The following ZFAND3 variants were observed in gnomAD, a reference collection of about 807,000 sequenced individuals.
ZFAND3 encodes zinc finger AN1-type containing 3.
Under a neutral mutation model 29.6 loss-of-function variants are expected in ZFAND3, and 10 were observed. The ratio of observed to expected loss-of-function variants is 0.34; its 90% CI spans 0.21 to 0.57. The LOEUF is 0.57. Among genes scored for constraint, ZFAND3 ranks in the 20% least tolerant of loss-of-function variants. ZFAND3 has a pLI of 0.86. For missense variants in ZFAND3, 230 were observed against 304.5 expected (o/e 0.76, Z 1.82); for synonymous variants, 128 against 112.6 (o/e 1.14, Z -0.87).
chr6:38,065,256 A>G (rs1764319752), intron 3 of ZFAND3, among the ~76,000 whole-genome samples: 1 of 151,830 alleles, frequency 6.6e-6, no homozygotes, highest in Admixed American at 6.6e-5. Context: ...GTGAGGTTGC[A>G]GTGAGCCGAG....
intron 2 of ZFAND3, among the ~76,000 whole-genome samples, chr6:37,952,272 G>A (rs1160209680): frequency 6.6e-6 from 1 of 152,114 alleles, no homozygotes; most frequent in African/African-American, 2.4e-5. Flanking sequence ...GTTTCAGTAT[G>A]ATTGGTACCA....
At chr6:37,979,091 C>G (rs968075421) in intron 2 of ZFAND3, among the ~76,000 whole-genome samples, 1 of 151,660 alleles carries the variant, frequency 6.6e-6, no homozygotes, top group Non-Finnish European at 1.5e-5. Context: ...CTTCCTTCTA[C>G]TTTGAGTTTA....
intron 5 of ZFAND3, among the ~76,000 whole-genome samples, chr6:38,134,280 A>G (rs1282463787): frequency 6.6e-6 from 1 of 152,172 alleles, no homozygotes; most frequent in Non-Finnish European, 1.5e-5. Flanking sequence ...TATTCCTTGA[A>G]AAGTTACCTC....
At chr6:38,066,906 A>G (rs533140569) in intron 3 of ZFAND3, among the ~76,000 whole-genome samples, 1 of 152,348 alleles carries the variant, frequency 6.6e-6, no homozygotes, top group East Asian at 1.9e-4. Context: ...GTATCTGAAC[A>G]TAAACATATG....
intron 2 of ZFAND3, among the ~76,000 whole-genome samples, chr6:37,964,388 A>AG (rs1762255081): frequency 6.6e-6 from 1 of 152,186 alleles, no homozygotes; most frequent in Admixed American, 6.6e-5. Flanking sequence ...AGAGAGGCAG[A>AG]GGGAGATTAA....
intron 4 of ZFAND3, among the ~76,000 whole-genome samples, chr6:38,097,249 A>ATT (rs1190146160): frequency 0.039 from 4,784 of 123,406 alleles, 106 homozygotes; most frequent in African/African-American, 0.059. Context: ...TTAATTTTTC[A>ATT]TTTTTTTTTT....
At chr6:37,943,899 T>C (rs1380021068) in intron 2 of ZFAND3, among the ~76,000 whole-genome samples, 1 of 152,210 alleles carries the variant, frequency 6.6e-6, no homozygotes, top group Non-Finnish European at 1.5e-5. Context: ...CTCAGTTTCC[T>C]TTCTCCTTCC....
intron 2 of ZFAND3, among the ~76,000 whole-genome samples, chr6:38,017,253 C>T (rs1763267813): frequency 6.6e-6 from 1 of 152,132 alleles, no homozygotes; most frequent in Non-Finnish European, 1.5e-5. Flanking sequence ...AAACACCAGT[C>T]CAAAAGGTAA....
intron 2 of ZFAND3, among the ~76,000 whole-genome samples, chr6:38,025,734 A>G (rs1763434933): frequency 6.6e-6 from 1 of 152,248 alleles, no homozygotes; most frequent in African/African-American, 2.4e-5. Context: ...ATGAATTTTG[A>G]AAACTTTCAT....
At chr6:38,087,428 C>T (rs1764777951) in intron 4 of ZFAND3, among the ~76,000 whole-genome samples, 1 of 152,116 alleles carries the variant, frequency 6.6e-6, no homozygotes, top group African/African-American at 2.4e-5. Flanking sequence ...AAAATATTTG[C>T]AAACTACTCA....
At chr6:37,951,330 C>T (rs1038495283) in intron 2 of ZFAND3, among the ~76,000 whole-genome samples, 13 of 152,130 alleles carry the variant, frequency 8.5e-5, no homozygotes, top group Admixed American at 2.0e-4. Context: ...CAGTTGCTCA[C>T]GCCTGAAATC....
chr6:38,037,754 C>A (rs1016473120), intron 2 of ZFAND3, among the ~76,000 whole-genome samples: 1 of 152,196 alleles, frequency 6.6e-6, no homozygotes, highest in African/African-American at 2.4e-5. Context: ...CTTTATCATT[C>A]TAATGAAAGG....
At chr6:37,951,233 G>C (rs1298628859) in intron 2 of ZFAND3, among the ~76,000 whole-genome samples, 1 of 152,084 alleles carries the variant, frequency 6.6e-6, no homozygotes, top group Non-Finnish European at 1.5e-5. Flanking sequence ...TTGTATCCTG[G>C]AACGTTGCCG....
At chr6:38,123,254 G>T (rs12194618) in intron 5 of ZFAND3, among the ~76,000 whole-genome samples, 1 of 151,996 alleles carries the variant, frequency 6.6e-6, no homozygotes, top group Admixed American at 6.5e-5. Flanking sequence ...AGTGATATCC[G>T]TAAGGTCTAG....
At chr6:37,976,763 G>A (rs901662676) in intron 2 of ZFAND3, among the ~76,000 whole-genome samples, 3 of 152,054 alleles carry the variant, frequency 2.0e-5, no homozygotes, top group African/African-American at 4.8e-5. Flanking sequence ...AAGAGGAAGG[G>A]CCACACTTTA....
intron 4 of ZFAND3, among the ~76,000 whole-genome samples, chr6:38,105,172 T>C (rs542497682): frequency 6.6e-6 from 1 of 152,326 alleles, no homozygotes; most frequent in South Asian, 2.1e-4. Context: ...TGTTCATTAT[T>C]GCAATTATTA....
chr6:37,845,214 C>T (rs1205929043), intron 1 of ZFAND3, among the ~76,000 whole-genome samples: 2 of 152,146 alleles, frequency 1.3e-5, no homozygotes, highest in Non-Finnish European at 2.9e-5. Flanking sequence ...CTTTAATCTT[C>T]TACTGATGGT....
At chr6:37,970,829 G>A (rs538737800) in intron 2 of ZFAND3, among the ~76,000 whole-genome samples, 2 of 152,120 alleles carry the variant, frequency 1.3e-5, no homozygotes, top group African/African-American at 2.4e-5. Context: ...GGCGTGAACC[G>A]TGGAATCAGA....
At chr6:37,876,335 A>G (rs1764792294) in intron 1 of ZFAND3, among the ~76,000 whole-genome samples, 1 of 152,224 alleles carries the variant, frequency 6.6e-6, no homozygotes, top group South Asian at 2.1e-4. Context: ...TTTCCTGTTA[A>G]GTAGAGTTAC....
Sources: gnomAD v4.1 joint callset for allele counts (sites outside exome capture counted in the v4.1 genomes callset) on GRCh38, gnomAD v4.1.1 for gene constraint, MANE v1.5 for transcripts, NCBI Gene and HGNC (gene_info 2026-07-23, HGNC 2026-07-21) for gene names.